The following PPP2R1A variants were observed in gnomAD, a reference collection of about 807,000 sequenced individuals.
PPP2R1A encodes the protein serine/threonine-protein phosphatase 2A 65 kDa regulatory subunit A alpha isoform.
A neutral mutation model predicts 67.1 loss-of-function variants in PPP2R1A; 15 were observed. The ratio of observed to expected loss-of-function variants is 0.22; its 90% CI spans 0.15 to 0.34. The LOEUF (loss-of-function observed/expected upper bound fraction) is 0.34. Ranked by LOEUF, PPP2R1A falls within the 10% of genes least tolerant of loss-of-function variation. The pLI, the probability that PPP2R1A is intolerant of heterozygous loss-of-function variation, is 1.00. For synonymous variants in PPP2R1A, 337 were observed against 325.0 expected, an observed-to-expected ratio of 1.04 and a Z score of -0.40; for missense variants, 369 against 775.0, an observed-to-expected ratio of 0.48 and a Z score of 6.22.
intron 3 of PPP2R1A, among the ~76,000 whole-genome samples, chr19:52,207,460 C>G (rs564253895): frequency 9.3e-4 from 141 of 152,302 alleles, no homozygotes; most frequent in Admixed American, 3.5e-3. Context: ...GATCCTTCTC[C>G]TACCTGGCCA....
Position 52,222,188 on chromosome 19 carries a change from C to T in PPP2R1A, c.1608C>T (p.Val536=), listed in dbSNP as rs759524433. Residue 536 remains valine (V), a synonymous_variant, in exon 13 of 15, where the codon GTC becomes GTT. Coordinates refer to ENST00000322088, the MANE Select transcript of PPP2R1A (RefSeq NM_014225.6). The stretch of plus-strand genomic sequence containing the variant: ...TGGCTGGGGACCCGGTTGCCAATGT[C>T]CGCTTCAATGTGGCCAAGTCTCTGC... ...LRMAGDPVAN[V]RFNVAKSLQK... The T allele has an allele frequency of 2.5e-6, 4 of 1,614,172 alleles. No individual in the cohort carries two copies. The highest frequency in any genetic ancestry group is 2.2e-5 in the East Asian group (1 of 44,880).
chr19:52,199,871 A>C (rs979478460), intron 1 of PPP2R1A, among the ~76,000 whole-genome samples: 1 of 152,152 alleles, frequency 6.6e-6, no homozygotes, highest in Non-Finnish European at 1.5e-5. Flanking sequence ...AATCAGTTGC[A>C]GGTTTTGTAG....
chr19:52,226,278 G>GTAATGGGAACC lies in PPP2R1A; in HGVS notation c.*298_*308dup, dbSNP rs1979257598. The GTAATGGGAACC allele has an allele frequency of 8.5e-6, 4 of 472,738 alleles. No homozygotes were observed. The East Asian group carries it at 1.3e-4, about 15-fold the overall frequency. The allele number at this position is 472,738 out of a possible 1,614,324, so 29.3% of individuals were successfully genotyped here. On this transcript the variant is annotated 3_prime_UTR_variant, in exon 15 of 15. Transcript: ENST00000322088. ...TCCCGGGTCACTGGATCCTGCTGCT[G>GTAATGGGAACC]TAATGGGAACCCCTCCCCCATTTAC...
In PPP2R1A at chr19:52,197,698, A is replaced by G. The variant is rs533910522; in HGVS notation, c.79-4246A>G. Among the ~76,000 whole-genome samples the G allele has an allele frequency of 2.6e-5, 4 of 152,280 alleles. No homozygotes were observed. The South Asian group carries it at 8.3e-4, about 32-fold the overall frequency. On this transcript the variant is annotated intron_variant, in intron 1 of 14. Transcript: ENST00000322088. ...TCAAAACAACAACAAGCACAACAAA[A>G]AAGAAAAAACAGAGCAAATATGAAT... is the stretch of plus-strand genomic sequence containing the variant.
intron 12 of PPP2R1A, among the ~76,000 whole-genome samples, 198 bp downstream of exon 12, chr19:52,221,331 G>A (rs1187700937): frequency 6.6e-6 from 1 of 152,168 alleles, no homozygotes; most frequent in African/African-American, 2.4e-5. Context: ...TAGGGCCTCT[G>A]GGACTGGGGA....
At chr19:52,201,563 A>AG in intron 1 of PPP2R1A, 1 of 185,116 alleles carries the variant, frequency 5.4e-6, no homozygotes, top group South Asian at 1.1e-4. Flanking sequence ...AGCGTGTTAT[A>AG]AACGTGGCTG....
intron 13 of PPP2R1A, among the ~76,000 whole-genome samples, chr19:52,224,430 C>A (rs895423978): frequency 9.9e-5 from 15 of 152,238 alleles, no homozygotes; most frequent in African/African-American, 3.6e-4. Context: ...CTCTTACGTA[C>A]CAGTTTGGTC....
intron 14 of PPP2R1A, 53 bp from the exon 15 acceptor site, chr19:52,225,912 G>A (rs938750561): frequency 5.6e-6 from 9 of 1,614,024 alleles, no homozygotes; most frequent in South Asian, 1.1e-5. Context: ...CCTTGGCATT[G>A]TGGGCAGAGA....
chr19:52,200,656 G>A (rs2089538233), intron 1 of PPP2R1A, among the ~76,000 whole-genome samples: 3 of 152,264 alleles, frequency 2.0e-5, no homozygotes, highest in Middle Eastern at 3.4e-3. Flanking sequence ...TCAAGGTCTC[G>A]GCAGGGTTGG....
chr19:52,208,647 C>T (rs2089632873), intron 3 of PPP2R1A, among the ~76,000 whole-genome samples: 1 of 152,002 alleles, frequency 6.6e-6, no homozygotes, highest in South Asian at 2.1e-4. Flanking sequence ...TTACAGGCAC[C>T]CATCACCATG....
In PPP2R1A at chr19:52,226,993, G is replaced by A. The variant is rs1174208881; in HGVS notation, c.*1012G>A. ...GACCCTGTCCCCAGGAGGTCTCAGA[G>A]TAATCAGGACGGTACTAGGGAGAGA... On this transcript the variant is annotated 3_prime_UTR_variant, in exon 15 of 15. Coordinates refer to ENST00000322088, the MANE Select transcript of PPP2R1A (RefSeq NM_014225.6). 6.6e-6 allele frequency: 1 copy of A among 152,122 alleles called. No homozygotes were observed. The highest frequency in any genetic ancestry group is 2.4e-5 in the African/African-American group (1 of 41,410). 9.4% of individuals were successfully genotyped at this position (152,122 alleles called of 1,614,324 possible).
intron 13 of PPP2R1A, among the ~76,000 whole-genome samples, chr19:52,223,746 C>A (rs533922467): frequency 6.6e-6 from 1 of 152,296 alleles, no homozygotes; most frequent in South Asian, 2.1e-4. Context: ...CTGGAACTCT[C>A]ATCCATTGCA....
At chr19:52,201,830 C>G in intron 1 of PPP2R1A, 114 bp from the exon 2 acceptor site, 2 of 897,042 alleles carry the variant, frequency 2.2e-6, no homozygotes, top group Non-Finnish European at 3.5e-6. Flanking sequence ...TCTTGAGCAT[C>G]TTCACATGTA....
chr19:52,219,266 A>T lies in PPP2R1A; in HGVS notation c.1129-425A>T, dbSNP rs958836076. On this transcript the variant is annotated intron_variant, in intron 9 of 14. Transcript: ENST00000322088. The surrounding 1 kb of genome is among the most constrained non-coding windows in gnomAD (Gnocchi z 4.0). ...CATTTCAGTGCTCCTTTATTTATTT[A>T]TTTTTTTAGACTAAAATAGTTTTAA... 2.0e-5 allele frequency among the ~76,000 whole-genome samples: 3 copies of T among 152,186 alleles called. No homozygotes were observed. The highest frequency in any genetic ancestry group is 7.2e-5 in the African/African-American group (3 of 41,538).
Position 52,226,262 on chromosome 19 carries a change from A to T in PPP2R1A, c.*281A>T. On this transcript the variant is annotated 3_prime_UTR_variant, in exon 15 of 15. Transcript: ENST00000322088. ...GGGAGAGATGTGAGCATCCCGGGTC[A>T]CTGGATCCTGCTGCTGTAATGGGAA... The T allele has an allele frequency of 2.0e-6, 1 of 494,280 alleles. No homozygotes were observed. Among genetic ancestry groups the T allele is most frequent in the Non-Finnish European group, 3.6e-6 (1 of 279,538 alleles). The allele number at this position is 494,280 out of a possible 1,614,324, so 30.6% of individuals were successfully genotyped here. A position where few individuals can be genotyped will look rare whatever the true frequency, so the allele number is the denominator to read the frequency against.
chr19:52,195,342 T>C (rs2089488467), intron 1 of PPP2R1A, among the ~76,000 whole-genome samples: 1 of 152,130 alleles, frequency 6.6e-6, no homozygotes, highest in African/African-American at 2.4e-5. Flanking sequence ...TCCTATTCTC[T>C]CACTTAACAC....
At position 52,213,448 on chromosome 19, in the gene PPP2R1A, T is replaced by G. The variant is rs1600168533; in HGVS notation, c.807+338T>G. On this transcript the variant is annotated intron_variant, in intron 6 of 14. Transcript: ENST00000322088. This position sits in a 1 kb window ranked among gnomAD's most constrained non-coding sequence, Gnocchi z 4.2. ...GGGAAGACAGCCCAAAAAGGTGGGG[T>G]TTTTTGGTGTTTTTTTTTTTTTTTT... is the stretch of plus-strand genomic sequence containing the variant. 7.1e-6 allele frequency among the ~76,000 whole-genome samples: 1 copy of G among 141,138 alleles called. No individual in the cohort carries two copies. Among genetic ancestry groups the G allele is most frequent in the Non-Finnish European group, 1.5e-5 (1 of 65,806 alleles). The allele number at this position is 141,138 out of a possible 152,430, so 92.6% of individuals were successfully genotyped here.
chr19:52,198,578 G>T lies in PPP2R1A; in HGVS notation c.79-3366G>T, dbSNP rs142761445. Among the ~76,000 whole-genome samples the T allele has an allele frequency of 2.0e-4, 30 of 152,308 alleles. No individual in the cohort carries two copies. In the East Asian group the frequency reaches 5.8e-3, roughly 29 times the overall value. ...TGCATAGGGTGAGCTATGGAGGAAG[G>T]GGCGGGGAGCTTTCGTGCCATCCCT... is the stretch of plus-strand genomic sequence containing the variant. On this transcript the variant is annotated intron_variant, in intron 1 of 14. Coordinates refer to ENST00000322088, the MANE Select transcript of PPP2R1A (RefSeq NM_014225.6).
intron 2 of PPP2R1A, among the ~76,000 whole-genome samples, chr19:52,203,601 T>C (rs895891142): frequency 3.3e-5 from 5 of 152,176 alleles, no homozygotes; most frequent in Admixed American, 6.5e-5. Flanking sequence ...ACCACAGCAA[T>C]CATAACACAG....
Sources: allele counts gnomAD v4.1 joint callset (sites outside exome capture counted in the v4.1 genomes callset), GRCh38; gene constraint gnomAD v4.1.1; non-coding constraint Gnocchi (gnomAD v3.1); transcripts MANE v1.5; gene names NCBI Gene and HGNC (gene_info 2026-07-23, HGNC 2026-07-21).